Variants in SOAT2 observed in about 807,000 individuals in gnomAD.
SOAT2 encodes the protein ACAT-2.
A neutral mutation model predicts 76.0 loss-of-function variants in SOAT2; 87 were observed. That is an observed-to-expected ratio of 1.14 (90% CI 0.96 to 1.37). The LOEUF (loss-of-function observed/expected upper bound fraction) is 1.37. Among genes scored for constraint, SOAT2 ranks in the 40% most tolerant of loss-of-function variants. The pLI, the probability that SOAT2 is intolerant of heterozygous loss-of-function variation, is 0.00. For missense variants in SOAT2, 686 were observed against 682.1 expected (o/e 1.01, Z -0.06); for synonymous variants, 285 against 275.4 (o/e 1.03, Z -0.34).
rs571367684 is a variant in SOAT2 at position 53,103,673 on chromosome 12, G to C, written c.82+14G>C. ...CCTGTGGAGATGGTGAGCCGCCCTCGGGGGTGCAGAAGGCACAGGCAAGTG... is the reference window on the plus strand; with the variant it reads ...CCTGTGGAGATGGTGAGCCGCCCTCCGGGGTGCAGAAGGCACAGGCAAGTG... On this transcript the variant is annotated intron_variant, in intron 1 of 14. Transcript: ENST00000301466. 2.0e-6 allele frequency: 3 copies of C among 1,516,120 alleles called. No individual in the cohort carries two copies. The allele number at this position is 1,516,120 out of a possible 1,614,324, so 93.9% of individuals were successfully genotyped here. A position where few individuals can be genotyped will look rare whatever the true frequency, so the allele number is the denominator to read the frequency against.
chr12:53,109,783 C>T (rs2121268528), intron 5 of SOAT2, among the ~76,000 whole-genome samples: 1 of 152,230 alleles, frequency 6.6e-6, no homozygotes, highest in African/African-American at 2.4e-5. Flanking sequence ...GCCACTGCAC[C>T]TGGCCTTAAA....
chr12:53,118,759 C>T, intron 8 of SOAT2, 131 bp from the exon 9 acceptor site: 1 of 964,744 alleles, frequency 1.0e-6, no homozygotes, highest in Non-Finnish European at 1.6e-6. Flanking sequence ...TAGACCCCAC[C>T]ACCCTAGATA....
At chr12:53,120,659 C>A (rs1261073020) in intron 10 of SOAT2, 127 bp from the exon 11 acceptor site, 1 of 630,802 alleles carries the variant, frequency 1.6e-6, no homozygotes, top group Admixed American at 2.7e-5. Context: ...TTGTGAATTA[C>A]CAATAAATGA....
At chr12:53,122,355 T>TA (rs1268601213) in intron 12 of SOAT2, among the ~76,000 whole-genome samples, 2 of 150,640 alleles carry the variant, frequency 1.3e-5, no homozygotes, top group South Asian at 2.1e-4. Flanking sequence ...TTTTTTTTTT[T>TA]ATTGATCATT....
Position 53,105,938 on chromosome 12 carries a change from A to G in SOAT2, c.367A>G (p.Ile123Val), listed in dbSNP as rs1374479317. 1 of 1,571,864 alleles carries G rather than the reference A, an allele frequency of 6.4e-7. No homozygotes were observed. The highest frequency in any genetic ancestry group is 8.6e-7 in the Non-Finnish European group (1 of 1,165,014). Residue 123 changes from isoleucine (I) to valine (V), a missense_variant, in exon 5 of 15, where the codon ATC (isoleucine) becomes GTC (valine). By Grantham distance (29) the Ile-to-Val change is conservative. Coordinates refer to ENST00000301466, the MANE Select transcript of SOAT2 (RefSeq NM_003578.4). Reference sequence around the variant, plus strand: ...GATGGAGGTGCAGCATTTCCGCACCATCTACCACATGTTCATCGCTGGCCT... The same window carrying G: ...GATGGAGGTGCAGCATTTCCGCACCGTCTACCACATGTTCATCGCTGGCCT... ...ELMEVQHFRT[I>V]YHMFIAGLCV... is the part of the protein sequence containing the mutation.
intron 2 of SOAT2, 78 bp downstream of exon 2, chr12:53,104,284 G>A (rs1592274210): frequency 3.9e-6 from 3 of 776,054 alleles, no homozygotes; most frequent in Non-Finnish European, 4.2e-6. Context: ...TGGTGATAAA[G>A]ATGACTTTTT....
At chr12:53,116,211 T>TTCATTCAGTCAGCCAAGA in intron 7 of SOAT2, 45 bp downstream of exon 7, 2 of 1,543,330 alleles carry the variant, frequency 1.3e-6, no homozygotes, top group Non-Finnish European at 1.8e-6. Flanking sequence ...TCCTCTTGGC[T>TTCATTCAGTCAGCCAAGA]GACTGAATGA....
intron 11 of SOAT2, 138 bp downstream of exon 11, chr12:53,121,021 T>A (rs1938182074): frequency 1.4e-6 from 1 of 727,788 alleles, no homozygotes; most frequent in Non-Finnish European, 2.4e-6. Context: ...GTCCTCTGGA[T>A]GTGCTTATAA....
intron 10 of SOAT2, among the ~76,000 whole-genome samples, chr12:53,119,516 C>A (rs143863978): frequency 1.4e-3 from 219 of 152,256 alleles, no homozygotes; most frequent in African/African-American, 5.1e-3. Context: ...GGTGAACTTT[C>A]CTACTGCAAC....
chr12:53,117,287 T>TTTA (rs1938119662), intron 7 of SOAT2, among the ~76,000 whole-genome samples: 1 of 148,034 alleles, frequency 6.8e-6, no homozygotes, highest in African/African-American at 2.5e-5. Flanking sequence ...TTTTTTTTTT[T>TTTA]AGAGACAGGG....
chr12:53,121,110 G>A (rs1319143024), intron 11 of SOAT2, among the ~76,000 whole-genome samples, 193 bp from the exon 12 acceptor site: 3 of 152,216 alleles, frequency 2.0e-5, no homozygotes, highest in African/African-American at 7.2e-5. Context: ...TCCTGAGAGA[G>A]GGAGTAGGAG....
chr12:53,116,211 T>TTCATTCAGTCAGCCAA, intron 7 of SOAT2, 45 bp downstream of exon 7: 2 of 1,543,314 alleles, frequency 1.3e-6, no homozygotes, highest in Non-Finnish European at 1.8e-6. Flanking sequence ...TCCTCTTGGC[T>TTCATTCAGTCAGCCAA]GACTGAATGA....
chr12:53,109,977 C>G (rs1207314656), intron 5 of SOAT2, among the ~76,000 whole-genome samples: 3 of 152,120 alleles, frequency 2.0e-5, no homozygotes, highest in Non-Finnish European at 4.4e-5. Flanking sequence ...CTGGATGATA[C>G]CCCTTTAACT....
intron 9 of SOAT2, 94 bp downstream of exon 9, chr12:53,119,029 C>T (rs1211567981): frequency 6.2e-7 from 1 of 1,608,784 alleles, no homozygotes; most frequent in African/African-American, 1.3e-5. Context: ...GAGGGTGATG[C>T]CAAGGGAAGA....
At position 53,119,345 on chromosome 12, in the gene SOAT2, C is replaced by T. The variant is rs1938154773; in HGVS notation, c.1039+92C>T. 5.1e-6 allele frequency: 7 copies of T among 1,380,326 alleles called. No individual in the cohort carries two copies. In the East Asian group the frequency reaches 1.2e-4, roughly 24 times the overall value. 85.5% of individuals were successfully genotyped at this position (1,380,326 alleles called of 1,614,324 possible). On this transcript the variant is annotated intron_variant, in intron 10 of 14. Transcript: ENST00000301466. The stretch of plus-strand genomic sequence containing the variant: ...TAGTTACCTTCCCTCAGTTTCAACA[C>T]GTTCTCCTTCTGAGTCTCTCCTCAC...
chr12:53,115,254 T>A lies in SOAT2; in HGVS notation c.444-136T>A, dbSNP rs1227877239. 3.0e-6 allele frequency: 3 copies of A among 995,416 alleles called. No individual in the cohort carries two copies. The East Asian group carries it at 7.5e-5, about 25-fold the overall frequency. 61.7% of individuals were successfully genotyped at this position (995,416 alleles called of 1,614,324 possible). ...CGCCCTGTGCCACAGAGGTGCCGTC[T>A]TGAACACCTCCAGAGATGGGGAGCT... On this transcript the variant is annotated intron_variant, in intron 5 of 14. Coordinates refer to ENST00000301466, the MANE Select transcript of SOAT2 (RefSeq NM_003578.4).
chr12:53,107,372 T>G (rs531939258), intron 5 of SOAT2, among the ~76,000 whole-genome samples: 2 of 152,268 alleles, frequency 1.3e-5, no homozygotes, highest in Non-Finnish European at 1.5e-5. Context: ...TACATATAAA[T>G]AGGCTACTGC....
Position 53,116,362 on chromosome 12 carries a change from CCT to C in SOAT2, c.778+199_778+200del, listed in dbSNP as rs1938107944. Among the ~76,000 whole-genome samples the C allele has an allele frequency of 2.0e-5, 3 of 152,358 alleles. No individual in the cohort carries two copies. The South Asian group carries it at 6.2e-4, about 32-fold the overall frequency. On this transcript the variant is annotated intron_variant, in intron 7 of 14. Coordinates refer to ENST00000301466, the MANE Select transcript of SOAT2 (RefSeq NM_003578.4). Reference sequence around the variant, plus strand: ...CAGCCCCTGCCTCTGACAGATGGCACCTCTGTTACCCAGGACTTCTGGCACTT... The same window carrying C: ...CAGCCCCTGCCTCTGACAGATGGCACCTGTTACCCAGGACTTCTGGCACTT...
intron 7 of SOAT2, among the ~76,000 whole-genome samples, chr12:53,117,319 G>A (rs544070848): frequency 1.4e-5 from 2 of 145,670 alleles, no homozygotes; most frequent in Admixed American, 1.4e-4. Flanking sequence ...TGCCCAGGCT[G>A]GTCTTGAACT....
Sources: allele counts gnomAD v4.1 joint callset (sites outside exome capture counted in the v4.1 genomes callset), GRCh38; gene constraint gnomAD v4.1.1; transcripts MANE v1.5; gene names NCBI Gene and HGNC (gene_info 2026-07-23, HGNC 2026-07-21).